SFRP5: variants seen among roughly 807,000 people sequenced by gnomAD.
The protein encoded by SFRP5 is secreted frizzled-related protein 5.
A neutral mutation model predicts 27.0 loss-of-function variants in SFRP5; 22 were observed. The observed-to-expected ratio is 0.82, with a 90% confidence interval of 0.58 to 1.17. The LOEUF (loss-of-function observed/expected upper bound fraction) is 1.17, where lower values mean the gene tolerates loss of function less well. SFRP5 is among the 50% of genes most tolerant of loss of function. The pLI, the probability that SFRP5 is intolerant of heterozygous loss-of-function variation, is 0.00. For synonymous variants in SFRP5, 171 were observed against 195.0 expected (o/e 0.88, Z 1.03); for missense variants, 406 against 436.6 (o/e 0.93, Z 0.63).
In SFRP5 at chr10:97,771,428, C is replaced by T. The variant is rs149823710; in HGVS notation, c.406G>A (p.Ala136Thr). ...SLCEAVRAGC[A>T]PLMEAYGFPW... ...AAGCCGTAGGCCTCCATGAGCGGCG[C>T]GCAGCCGGCGCGCACGGCCTCGCAC... The change falls in exon 1 of 3, where the codon GCG becomes ACG. Residue 136 changes from alanine to threonine, a missense_variant. Ala to Thr is a moderately conservative substitution (Grantham distance 58, BLOSUM62 0). Transcript: ENST00000266066. The surrounding 1 kb of genome is among the most constrained non-coding windows in gnomAD (Gnocchi z 5.2). The T allele has an allele frequency of 5.5e-5, 89 of 1,612,966 alleles. No homozygotes were observed. In the African/African-American group the frequency reaches 9.9e-4, roughly 18 times the overall value.
At position 97,771,456 on chromosome 10, in the gene SFRP5, C is replaced by A. The variant is rs532923513; in HGVS notation, c.378G>T (p.Ser126=). 3 of 1,612,574 alleles carry A rather than the reference C, an allele frequency of 1.9e-6. No individual in the cohort carries two copies. Among genetic ancestry groups the A allele is most frequent in the Non-Finnish European group, 2.5e-6 (3 of 1,179,208 alleles). ...CLDRPIYPCR[S]LCEAVRAGCA... ...AGCCGGCGCGCACGGCCTCGCACAG[C>A]GAGCGGCACGGGTAGATGGGCCGGT... Residue 126 remains serine, a synonymous_variant, in exon 1 of 3, where the codon TCG becomes TCT. Coordinates refer to ENST00000266066, the MANE Select transcript of SFRP5 (RefSeq NM_003015.3). The surrounding 1 kb of genome is among the most constrained non-coding windows in gnomAD (Gnocchi z 5.2).
At position 97,771,875 on chromosome 10, in the gene SFRP5, G is replaced by A; in HGVS notation, c.-42C>T. The A allele has an allele frequency of 9.9e-7, 1 of 1,014,914 alleles. No individual in the cohort carries two copies. The highest frequency in any genetic ancestry group is 1.2e-6 in the Non-Finnish European group (1 of 850,086). The allele number at this position is 1,014,914 out of a possible 1,614,324, so 62.9% of individuals were successfully genotyped here. On this transcript the variant is annotated 5_prime_UTR_variant, in exon 1 of 3. Coordinates refer to ENST00000266066, the MANE Select transcript of SFRP5 (RefSeq NM_003015.3). This position sits in a 1 kb window ranked among gnomAD's most constrained non-coding sequence, Gnocchi z 5.2. The stretch of plus-strand genomic sequence containing the variant: ...GGTGCGCGCCGCGCAGCCCCCCGAC[G>A]CTCGGTGCCCGGCGGCCCAGGTGTT...
chr10:97,769,783 G>C lies in SFRP5; in HGVS notation c.530-38C>G. The C allele has an allele frequency of 2.7e-6, 4 of 1,501,696 alleles. No homozygotes were observed. The Admixed American group carries it at 6.8e-5, about 26-fold the overall frequency. The allele number at this position is 1,501,696 out of a possible 1,614,324, so 93.0% of individuals were successfully genotyped here. ...AGTGGGGTGGGGTTGGGGGACAGTT[G>C]GTGAGGGGATTGGAGTTCCAAGAGC... On this transcript the variant is annotated intron_variant, in intron 1 of 2. Transcript: ENST00000266066.
rs1188640005 is a variant in SFRP5, at chr10:97,771,750, G to A, written c.84C>T (p.Arg28=). Reference sequence around the variant, plus strand: ...AGCCATAGTAGTCGTACTCCTCGCAGCGCGCCGGCGCCCAGTGCAGCGCCC... The same window carrying A: ...AGCCATAGTAGTCGTACTCCTCGCAACGCGCCGGCGCCCAGTGCAGCGCCC... ...LLGALHWAPA[R]CEEYDYYGWQ... Residue 28 remains arginine, a synonymous_variant, in exon 1 of 3, where the codon CGC becomes CGT. Coordinates refer to ENST00000266066, the MANE Select transcript of SFRP5 (RefSeq NM_003015.3). This position sits in a 1 kb window ranked among gnomAD's most constrained non-coding sequence, Gnocchi z 5.2. 1.3e-6 allele frequency: 2 copies of A among 1,591,042 alleles called. No homozygotes were observed. Among genetic ancestry groups the A allele is most frequent in the African/African-American group, 2.7e-5 (2 of 74,342 alleles).
In SFRP5 at chr10:97,767,438, GC is replaced by G; in HGVS notation, c.*75del. ...ATTCGTGAAAACACCCTCCAGTAGG[GC>G]CGGGTCAGCCTGGAAGTTGGGGCGG... On this transcript the variant is annotated 3_prime_UTR_variant, in exon 3 of 3. Coordinates refer to ENST00000266066, the MANE Select transcript of SFRP5 (RefSeq NM_003015.3). 3.4e-6 allele frequency: 4 copies of G among 1,166,362 alleles called. No homozygotes were observed. The highest frequency in any genetic ancestry group is 4.9e-6 in the Non-Finnish European group (4 of 819,858). The allele number at this position is 1,166,362 out of a possible 1,614,324, so 72.3% of individuals were successfully genotyped here.
At chr10:97,768,130 C>T (rs1444980017) in intron 2 of SFRP5, among the ~76,000 whole-genome samples, 2 of 152,044 alleles carry the variant, frequency 1.3e-5, no homozygotes, top group South Asian at 2.1e-4. Context: ...ATCGAGAGTC[C>T]AAGCCCTTCT....
chr10:97,771,157 T>G lies in SFRP5; in HGVS notation c.529+148A>C. The G allele has an allele frequency of 1.8e-6, 1 of 562,970 alleles. No homozygotes were observed. Among genetic ancestry groups the G allele is most frequent in the Non-Finnish European group, 3.1e-6 (1 of 327,372 alleles). 34.9% of individuals were successfully genotyped at this position (562,970 alleles called of 1,614,324 possible). ...AAGGCGGGAAGGCTGCGGGGGATAA[T>G]TCCGGGGACGCTGGGCTGAGCTAGG... On this transcript the variant is annotated intron_variant, in intron 1 of 2. Transcript: ENST00000266066. This position sits in a 1 kb window ranked among gnomAD's most constrained non-coding sequence, Gnocchi z 5.2.
rs1232636589 is a variant in SFRP5 at position 97,771,039 on chromosome 10, A to G, written c.529+266T>C. ...CAGCAGCTTGGTTGGATGGGTACTG[A>G]GAGGGGTGCCAGGGGTTTCCAGGGA... is the stretch of plus-strand genomic sequence containing the variant. On this transcript the variant is annotated intron_variant, in intron 1 of 2. Coordinates refer to ENST00000266066, the MANE Select transcript of SFRP5 (RefSeq NM_003015.3). The surrounding 1 kb of genome is among the most constrained non-coding windows in gnomAD (Gnocchi z 5.2). Among the ~76,000 whole-genome samples, 1 of 151,894 alleles carries G rather than the reference A, an allele frequency of 6.6e-6. No homozygotes were observed. Among genetic ancestry groups the G allele is most frequent in the African/African-American group, 2.4e-5 (1 of 41,338 alleles).
intron 1 of SFRP5, among the ~76,000 whole-genome samples, chr10:97,770,870 G>A (rs2049511038): frequency 6.6e-6 from 1 of 152,170 alleles, no homozygotes; most frequent in African/African-American, 2.4e-5. Context: ...GTCCCAACAC[G>A]GAGTGGGGAT....
Position 97,771,735 on chromosome 10 carries a change from G to A in SFRP5, c.99C>T (p.Asp33=). The A allele has an allele frequency of 1.3e-6, 2 of 1,595,356 alleles. No individual in the cohort carries two copies. The highest frequency in any genetic ancestry group is 1.7e-6 in the Non-Finnish European group (2 of 1,178,778). ...GCGGCTCGGCCTGCCAGCCATAGTAGTCGTACTCCTCGCAGCGCGCCGGCG... is the reference window on the plus strand; with the variant it reads ...GCGGCTCGGCCTGCCAGCCATAGTAATCGTACTCCTCGCAGCGCGCCGGCG... ...HWAPARCEEY[D]YYGWQAEPLH... The change falls in exon 1 of 3, where the codon GAC becomes GAT. Residue 33 remains aspartate (D), a synonymous_variant. Coordinates refer to ENST00000266066, the MANE Select transcript of SFRP5 (RefSeq NM_003015.3). The surrounding 1 kb of genome is among the most constrained non-coding windows in gnomAD (Gnocchi z 5.2).
intron 2 of SFRP5, 74 bp downstream of exon 2, chr10:97,769,594 A>G: frequency 9.9e-7 from 1 of 1,006,910 alleles, no homozygotes; most frequent in Non-Finnish European, 1.5e-6. Context: ...GTGGGCATGT[A>G]TGTTCCCGTG....
rs2049512706 is a variant in SFRP5 at position 97,771,143 on chromosome 10, G to T, written c.529+162C>A. 6.6e-6 allele frequency among the ~76,000 whole-genome samples: 1 copy of T among 151,582 alleles called. No individual in the cohort carries two copies. Among genetic ancestry groups the T allele is most frequent in the Non-Finnish European group, 1.5e-5 (1 of 67,934 alleles). Reference sequence around the variant, plus strand: ...CCTGGGGAGGTGGGAAGGCGGGAAGGCTGCGGGGGATAATTCCGGGGACGC... The same window carrying T: ...CCTGGGGAGGTGGGAAGGCGGGAAGTCTGCGGGGGATAATTCCGGGGACGC... On this transcript the variant is annotated intron_variant, in intron 1 of 2. Coordinates refer to ENST00000266066, the MANE Select transcript of SFRP5 (RefSeq NM_003015.3). This position sits in a 1 kb window ranked among gnomAD's most constrained non-coding sequence, Gnocchi z 5.2.
At chr10:97,768,323 G>A (rs1262906072) in intron 2 of SFRP5, among the ~76,000 whole-genome samples, 1 of 152,130 alleles carries the variant, frequency 6.6e-6, no homozygotes, top group Non-Finnish European at 1.5e-5. Flanking sequence ...GTGTGTGAGT[G>A]TATGGTATGG....
chr10:97,771,915 C>A lies in SFRP5; in HGVS notation c.-82G>T. 4.2e-6 allele frequency: 4 copies of A among 946,874 alleles called. No individual in the cohort carries two copies. The highest frequency in any genetic ancestry group is 5.0e-6 in the Non-Finnish European group (4 of 793,090). The allele number at this position is 946,874 out of a possible 1,614,324, so 58.7% of individuals were successfully genotyped here. A position where few individuals can be genotyped will look rare whatever the true frequency, so the allele number is the denominator to read the frequency against. ...GCCCAGGTGTTCCGGCGTGCGCCCCCGGCCCTGACTCTACCCAGCCGCCGC... is the reference window on the plus strand; with the variant it reads ...GCCCAGGTGTTCCGGCGTGCGCCCCAGGCCCTGACTCTACCCAGCCGCCGC... On this transcript the variant is annotated 5_prime_UTR_variant, in exon 1 of 3. Transcript: ENST00000266066. The surrounding 1 kb of genome is among the most constrained non-coding windows in gnomAD (Gnocchi z 5.2).
chr10:97,770,986 G>A (rs887355169), intron 1 of SFRP5, among the ~76,000 whole-genome samples: 2 of 152,206 alleles, frequency 1.3e-5, no homozygotes, highest in East Asian at 1.9e-4. Context: ...GACGTCCCAG[G>A]ATTGGGGGGA....
At chr10:97,769,483 G>A (rs1404061247) in intron 2 of SFRP5, among the ~76,000 whole-genome samples, 185 bp downstream of exon 2, 2 of 152,232 alleles carry the variant, frequency 1.3e-5, no homozygotes, top group Non-Finnish European at 2.9e-5. Context: ...CTGAGATGAT[G>A]CAGAAAGAGG....
At position 97,769,699 on chromosome 10, in the gene SFRP5, G is replaced by A. The variant is rs144534925; in HGVS notation, c.576C>T (p.Gly192=). ...CACTGGAGCACATCTGCTCCATGAG[G>A]CCGTCAGCACTGTGCTCCATCTCAC... is the stretch of plus-strand genomic sequence containing the variant. ...AQCEMEHSAD[G]LMEQMCSSDF... Residue 192 remains glycine (G), a synonymous_variant, in exon 2 of 3, where the codon GGC becomes GGT. Transcript: ENST00000266066. The A allele has an allele frequency of 3.7e-6, 6 of 1,613,482 alleles. No individual in the cohort carries two copies. The highest frequency in any genetic ancestry group is 5.1e-6 in the Non-Finnish European group (6 of 1,179,754).
At chr10:97,769,424 GT>G (rs1203003703) in intron 2 of SFRP5, among the ~76,000 whole-genome samples, 1 of 152,254 alleles carries the variant, frequency 6.6e-6, no homozygotes, top group Non-Finnish European at 1.5e-5. Context: ...CCTGGCCGGG[GT>G]GGTTTCTGAG....
At position 97,771,766 on chromosome 10, in the gene SFRP5, T is replaced by TGCAGCGCCCCCAGCA. The variant is rs765182445; in HGVS notation, c.53_67dup (p.Leu18_Leu22dup). 9 of 1,559,702 alleles carry TGCAGCGCCCCCAGCA rather than the reference T, an allele frequency of 5.8e-6. No homozygotes were observed. The highest frequency in any genetic ancestry group is 2.8e-5 in the African/African-American group (2 of 71,276). ...CTCCTCGCAGCGCGCCGGCGCCCAG[T>TGCAGCGCCCCCAGCA]GCAGCGCCCCCAGCAGCAGCGCCAG... On this transcript the variant is annotated inframe_insertion, in exon 1 of 3. Coordinates refer to ENST00000266066, the MANE Select transcript of SFRP5 (RefSeq NM_003015.3). This position sits in a 1 kb window ranked among gnomAD's most constrained non-coding sequence, Gnocchi z 5.2.
Sources: allele counts gnomAD v4.1 joint callset (sites outside exome capture counted in the v4.1 genomes callset), GRCh38; gene constraint gnomAD v4.1.1; non-coding constraint Gnocchi (gnomAD v3.1); transcripts MANE v1.5; gene names NCBI Gene and HGNC (gene_info 2026-07-23, HGNC 2026-07-21).